SRGAP3: variants seen among roughly 807,000 people sequenced by gnomAD.
SRGAP3 encodes SLIT-ROBO Rho GTPase-activating protein 3.
SRGAP3 carries 39 observed loss-of-function variants against 121.1 expected under a neutral mutation model. The ratio of observed to expected loss-of-function variants is 0.32; its 90% CI spans 0.25 to 0.42. The LOEUF is 0.42. Among genes scored for constraint, SRGAP3 ranks in the 10% least tolerant of loss-of-function variants. The probability of loss-of-function intolerance (pLI) is 1.00; values close to 1 mark genes in which losing one functional copy is unlikely to be tolerated. For missense variants in SRGAP3, 1,213 were observed against 1,470.6 expected, an observed-to-expected ratio of 0.82 and a Z score of 2.86; for synonymous variants, 601 against 570.0, an observed-to-expected ratio of 1.05 and a Z score of -0.77.
intron 3 of SRGAP3, among the ~76,000 whole-genome samples, chr3:9,100,396 A>G (rs1214783124): frequency 6.6e-6 from 1 of 152,214 alleles, no homozygotes; most frequent in Non-Finnish European, 1.5e-5. Flanking sequence ...CACTAAGAAG[A>G]CAGAGAAGAA....
chr3:9,156,488 C>G (rs548620514), intron 1 of SRGAP3, among the ~76,000 whole-genome samples: 1 of 152,298 alleles, frequency 6.6e-6, no homozygotes, highest in Admixed American at 6.5e-5. Flanking sequence ...TAGCCAGGTA[C>G]TGTCTACAAG....
chr3:9,251,271 T>G (rs1415014187), upstream of SRGAP3, among the ~76,000 whole-genome samples: 3 of 152,138 alleles, frequency 2.0e-5, no homozygotes, highest in Non-Finnish European at 4.4e-5. Flanking sequence ...GGGCTTATTA[T>G]AGCCTTGTAC....
intron 3 of SRGAP3, among the ~76,000 whole-genome samples, chr3:9,309,662 A>C (rs1259883651): frequency 6.6e-6 from 1 of 152,198 alleles, no homozygotes; most frequent in Non-Finnish European, 1.5e-5. Flanking sequence ...GGCATTCCAG[A>C]CCAGCCTGGC....
At chr3:9,332,811 G>A (rs1011804895) in intron 1 of SRGAP3, among the ~76,000 whole-genome samples, 1 of 152,166 alleles carries the variant, frequency 6.6e-6, no homozygotes, top group Non-Finnish European at 1.5e-5. Context: ...ACAACTAAAT[G>A]CTTCTTCAAT....
chr3:9,238,449 C>T (rs1278882095), intron 1 of SRGAP3, among the ~76,000 whole-genome samples: 2 of 152,116 alleles, frequency 1.3e-5, no homozygotes, highest in Non-Finnish European at 2.9e-5. Flanking sequence ...ACAGCTTTGA[C>T]AGAATGTCTG....
At chr3:9,019,781 C>A (rs1322195303) in intron 14 of SRGAP3, among the ~76,000 whole-genome samples, 1 of 152,222 alleles carries the variant, frequency 6.6e-6, no homozygotes, top group East Asian at 1.9e-4. Flanking sequence ...GTTCAGTTCC[C>A]ATCTGTTCTC....
At chr3:9,288,695 C>T (rs993434816) in intron 3 of SRGAP3, among the ~76,000 whole-genome samples, 12 of 151,826 alleles carry the variant, frequency 7.9e-5, no homozygotes, top group African/African-American at 2.9e-4. Context: ...CTGTCTCAGC[C>T]TCCCAAGTAG....
rs918685833 is a variant in SRGAP3 at position 9,013,348 on chromosome 3, G to A, written c.2107C>T (p.Pro703Ser). ...CCAGCCATGCATTTTTCATACACAGGTCCCTCTAGCTCCCGGGGGCTGGGG... is the reference window on the plus strand; with the variant it reads ...CCAGCCATGCATTTTTCATACACAGATCCCTCTAGCTCCCGGGGGCTGGGG... ...IFPSPRELEG[P>S]VYEKCMAGGE... is the part of the protein sequence containing the mutation. The change falls in exon 17 of 22, where the codon CCT becomes TCT. Residue 703 changes from proline to serine, a missense_variant. Physicochemically the swap from Pro to Ser is moderately conservative, Grantham distance 74. Coordinates refer to ENST00000383836, the MANE Select transcript of SRGAP3 (RefSeq NM_014850.4). The A allele has an allele frequency of 6.2e-7, 1 of 1,614,040 alleles. No individual in the cohort carries two copies. The highest frequency in any genetic ancestry group is 2.2e-5 in the East Asian group (1 of 44,872).
intron 1 of SRGAP3, among the ~76,000 whole-genome samples, chr3:9,236,532 G>T (rs1255867383): frequency 6.6e-6 from 1 of 152,100 alleles, no homozygotes; most frequent in Non-Finnish European, 1.5e-5. Context: ...TCTCATGATG[G>T]TGAGTGAGTT....
chr3:9,013,257 A>G, intron 17 of SRGAP3, 51 bp downstream of exon 17: 1 of 1,554,032 alleles, frequency 6.4e-7, no homozygotes, highest in Non-Finnish European at 8.9e-7. Flanking sequence ...TTCCTATTCA[A>G]TGGCAATAAC....
chr3:9,081,311 A>G (rs190017631), intron 3 of SRGAP3: 3 of 456,450 alleles, frequency 6.6e-6, no homozygotes, highest in East Asian at 7.0e-5. Context: ...GTCTCTTCCA[A>G]TGAGGAACAG....
At chr3:9,286,134 A>G (rs1438693347) in intron 3 of SRGAP3, among the ~76,000 whole-genome samples, 5 of 150,964 alleles carry the variant, frequency 3.3e-5, no homozygotes, top group Admixed American at 3.3e-4. Context: ...ACACACACAC[A>G]CACACACACA....
At chr3:9,054,608 AG>A (rs1252242823) in intron 8 of SRGAP3, among the ~76,000 whole-genome samples, 1 of 152,220 alleles carries the variant, frequency 6.6e-6, no homozygotes, top group Non-Finnish European at 1.5e-5. Flanking sequence ...ACATGTTTTC[AG>A]GATCTCCTGA....
At chr3:9,195,998 T>C (rs762369744) in intron 1 of SRGAP3, among the ~76,000 whole-genome samples, 10 of 151,980 alleles carry the variant, frequency 6.6e-5, no homozygotes, top group Non-Finnish European at 1.2e-4. Context: ...TCGAAAATAC[T>C]TGTACAGAGT....
At chr3:9,346,891 G>A (rs1423463589) in intron 1 of SRGAP3, among the ~76,000 whole-genome samples, 11 of 151,810 alleles carry the variant, frequency 7.2e-5, no homozygotes, top group African/African-American at 2.7e-4. Flanking sequence ...AAGTAGCTGG[G>A]ATTACAGGCG....
intron 3 of SRGAP3, among the ~76,000 whole-genome samples, chr3:9,281,090 A>C (rs1954668821): frequency 1.3e-5 from 2 of 152,166 alleles, no homozygotes; most frequent in Admixed American, 1.3e-4. Context: ...TCTCCACACT[A>C]ATAAACTGGC....
chr3:9,189,894 C>G (rs1013055089), intron 1 of SRGAP3, among the ~76,000 whole-genome samples: 2 of 152,218 alleles, frequency 1.3e-5, no homozygotes, highest in African/African-American at 2.4e-5. Flanking sequence ...GAGTTTAAGA[C>G]AGGAGATGGA....
chr3:9,038,613 C>T (rs1409470245), intron 10 of SRGAP3, among the ~76,000 whole-genome samples: 6 of 152,240 alleles, frequency 3.9e-5, no homozygotes, highest in African/African-American at 7.2e-5. Context: ...CACCCTGCTG[C>T]CCTGCCTCTG....
At chr3:9,097,592 A>C (rs1948038160) in intron 3 of SRGAP3, among the ~76,000 whole-genome samples, 1 of 152,088 alleles carries the variant, frequency 6.6e-6, no homozygotes, top group Admixed American at 6.5e-5. Context: ...TCCGTCTCCC[A>C]CCTTCCCCAA....
Sources: gnomAD v4.1 joint callset for allele counts (sites outside exome capture counted in the v4.1 genomes callset) on GRCh38, gnomAD v4.1.1 for gene constraint, MANE v1.5 for transcripts, NCBI Gene and HGNC (gene_info 2026-07-23, HGNC 2026-07-21) for gene names.